The following DLG4 variants were observed in gnomAD, a reference collection of about 807,000 sequenced individuals.
DLG4 encodes discs large MAGUK scaffold protein 4, also known as disks large homolog 4.
In DLG4, 7 loss-of-function variants were observed where a neutral mutation model predicts 93.8. The observed-to-expected ratio is 0.07, with a 90% confidence interval of 0.04 to 0.14. The LOEUF (loss-of-function observed/expected upper bound fraction) is 0.14, where lower values mean the gene tolerates loss of function less well. Ranked by LOEUF, DLG4 falls within the 10% of genes least tolerant of loss-of-function variation. DLG4 has a pLI of 1.00. For synonymous variants in DLG4, 341 were observed against 387.6 expected, an observed-to-expected ratio of 0.88 and a Z score of 1.41; for missense variants, 545 against 992.9, an observed-to-expected ratio of 0.55 and a Z score of 6.06.
rs1394460871 is a variant in DLG4 at position 7,187,305 on chromosome 17, C to CGGGGGGG, written c.*3402_*3403insCCCCCCC. On this transcript the variant is annotated 3_prime_UTR_variant, in exon 20 of 20. Coordinates refer to ENST00000399506, the MANE Select transcript of DLG4 (RefSeq NM_001321075.3). The stretch of plus-strand genomic sequence containing the variant: ...CTGTAATCCTAGCACTTTGGGAGGC[C>CGGGGGGG]GAGGGGGGGGGGGGTGGATCACCCG... Among the ~76,000 whole-genome samples the CGGGGGGG allele has an allele frequency of 2.1e-4, 6 of 28,810 alleles. 1 individual carries two copies. Among genetic ancestry groups the CGGGGGGG allele is most frequent in the South Asian group, 2.0e-3 (2 of 982 alleles). The allele number at this position is 28,810 out of a possible 152,430, so 18.9% of individuals were successfully genotyped here. A position where few individuals can be genotyped will look rare whatever the true frequency, so the allele number is the denominator to read the frequency against.
upstream of DLG4, chr17:7,218,753 T>A (rs112144905): frequency 1.3e-6 from 2 of 1,591,660 alleles, no homozygotes; most frequent in Non-Finnish European, 1.7e-6. Context: ...ACGGAAAGAT[T>A]TGGGGAGAAG....
Position 7,203,726 on chromosome 17 carries a change from G to A in DLG4, c.301C>T (p.Pro101Ser). 1 of 1,613,818 alleles carries A rather than the reference G, an allele frequency of 6.2e-7. No individual in the cohort carries two copies. The highest frequency in any genetic ancestry group is 8.5e-7 in the Non-Finnish European group (1 of 1,179,856). The change falls in exon 5 of 20, where the codon CCT becomes TCT. Residue 101 changes from proline (P) to serine (S), a missense_variant. Around this residue, in one of 5 missense-constraint regions of DLG4, gnomAD observed 33 missense variants for 107.5 expected, o/e 0.31. Transcript: ENST00000399506. The surrounding 1 kb of genome is among the most constrained non-coding windows in gnomAD (Gnocchi z 7.2). ...CCATCCTGGGCCGCAGCCCCACCAG[G>A]AATGATCTTGGTGATGAAAATGGAT... is the stretch of plus-strand genomic sequence containing the variant. ...DPSIFITKII[P>S]GGAAAQDGRL...
chr17:7,216,001 A>G (rs1040853875), intron 1 of DLG4, among the ~76,000 whole-genome samples: 6 of 150,220 alleles, frequency 4.0e-5, no homozygotes, highest in African/African-American at 1.5e-4. Context: ...TCTGCATCCC[A>G]CCAGGAGCTC....
intron 8 of DLG4, among the ~76,000 whole-genome samples, chr17:7,202,295 T>C (rs915963398): frequency 7.9e-5 from 12 of 152,110 alleles, no homozygotes; most frequent in Non-Finnish European, 1.2e-4. Flanking sequence ...AATCCCTAGC[T>C]GGTCTCAAAT....
chr17:7,192,860 G>A (rs2069577304), intron 17 of DLG4, 85 bp downstream of exon 17: 4 of 1,416,914 alleles, frequency 2.8e-6, no homozygotes, highest in Non-Finnish European at 3.8e-6. Context: ...GAGACAGAGA[G>A]AGAGAGAGTT....
Position 7,189,371 on chromosome 17 carries a change from C to T in DLG4, c.*1337G>A, listed in dbSNP as rs1302580800. Among the ~76,000 whole-genome samples, 1 of 151,848 alleles carries T rather than the reference C, an allele frequency of 6.6e-6. No homozygotes were observed. The highest frequency in any genetic ancestry group is 2.4e-5 in the African/African-American group (1 of 41,324). On this transcript the variant is annotated 3_prime_UTR_variant, in exon 20 of 20. Coordinates refer to ENST00000399506, the MANE Select transcript of DLG4 (RefSeq NM_001321075.3). ...AGGCATGGTGGCAGTAATCTGTAAT[C>T]CCAGCTACTCAGGGGGCTGAGGCAG...
At chr17:7,214,412 T>G (rs1001516621) in intron 1 of DLG4, among the ~76,000 whole-genome samples, 10 of 151,406 alleles carry the variant, frequency 6.6e-5, no homozygotes, top group African/African-American at 2.2e-4. Context: ...CCCACCCACC[T>G]GCCCGGGAGG....
chr17:7,190,960 C>G (rs894035082), intron 19 of DLG4, 146 bp from the exon 20 acceptor site: 2 of 567,744 alleles, frequency 3.5e-6, no homozygotes, highest in Admixed American at 6.3e-5. Context: ...CACAGGGGCA[C>G]CTCTTTTTTT....
At chr17:7,210,973 G>T (rs1315410040) in intron 1 of DLG4, among the ~76,000 whole-genome samples, 2 of 151,860 alleles carry the variant, frequency 1.3e-5, no homozygotes, top group African/African-American at 2.4e-5. Flanking sequence ...TGAAGAAAAG[G>T]CTCCTCAGGA....
In DLG4 at chr17:7,194,843, C is replaced by T. The variant is rs1250609060; in HGVS notation, c.1302-348G>A. ...TCAGGAGATTGAGACCATGGTGAAA[C>T]CCCGTCTCTACTAAAAATACAAAAT... On this transcript the variant is annotated intron_variant, in intron 11 of 19. Transcript: ENST00000399506. This position sits in a 1 kb window ranked among gnomAD's most constrained non-coding sequence, Gnocchi z 4.4. Among the ~76,000 whole-genome samples the T allele has an allele frequency of 6.6e-6, 1 of 151,904 alleles. No homozygotes were observed. Among genetic ancestry groups the T allele is most frequent in the Non-Finnish European group, 1.5e-5 (1 of 67,990 alleles).
Position 7,190,388 on chromosome 17 carries a change from G to T in DLG4, c.*320C>A. 2.6e-6 allele frequency: 1 copy of T among 378,468 alleles called. No homozygotes were observed. The highest frequency in any genetic ancestry group is 5.0e-6 in the Non-Finnish European group (1 of 199,202). 23.4% of individuals were successfully genotyped at this position (378,468 alleles called of 1,614,324 possible). A position where few individuals can be genotyped will look rare whatever the true frequency, so the allele number is the denominator to read the frequency against. ...GGAATGTGTGTGGGAGAGGATGGGG[G>T]AGGGCAGGTGGCCCCCGGTGGGTCT... On this transcript the variant is annotated 3_prime_UTR_variant, in exon 20 of 20. Transcript: ENST00000399506.
chr17:7,206,044 G>A (rs1597479756), intron 2 of DLG4, among the ~76,000 whole-genome samples: 1 of 150,602 alleles, frequency 6.6e-6, no homozygotes, highest in East Asian at 2.0e-4. Context: ...TGGCCCTGTC[G>A]CACCCTCCAG....
Position 7,191,718 on chromosome 17 carries a change from A to G in DLG4, c.1976+175T>C, listed in dbSNP as rs2069508099. ...TGTAGTCCTGTCTAGCCAAGGCAGG[A>G]GAGGAGGGGAAAGACCCGATTCCCC... is the stretch of plus-strand genomic sequence containing the variant. On this transcript the variant is annotated intron_variant, in intron 18 of 19. Transcript: ENST00000399506. The surrounding 1 kb of genome is among the most constrained non-coding windows in gnomAD (Gnocchi z 6.6). 2 of 565,638 alleles carry G rather than the reference A, an allele frequency of 3.5e-6. No individual in the cohort carries two copies. Among genetic ancestry groups the G allele is most frequent in the Non-Finnish European group, 6.4e-6 (2 of 314,068 alleles). 35.0% of individuals were successfully genotyped at this position (565,638 alleles called of 1,614,324 possible). A position where few individuals can be genotyped will look rare whatever the true frequency, so the allele number is the denominator to read the frequency against.
Position 7,208,020 on chromosome 17 carries a change from G to C in DLG4, c.96+154C>G. 8.2e-7 allele frequency: 1 copy of C among 1,222,292 alleles called. No homozygotes were observed. Among genetic ancestry groups the C allele is most frequent in the Non-Finnish European group, 1.0e-6 (1 of 970,280 alleles). 75.7% of individuals were successfully genotyped at this position (1,222,292 alleles called of 1,614,324 possible). A position where few individuals can be genotyped will look rare whatever the true frequency, so the allele number is the denominator to read the frequency against. The stretch of plus-strand genomic sequence containing the variant: ...ACCCTACCGGCCCTTAGGGATTGCT[G>C]CAGCTCCGAGGCTCCGAGGGCCGCA... On this transcript the variant is annotated intron_variant, in intron 2 of 19. Coordinates refer to ENST00000399506, the MANE Select transcript of DLG4 (RefSeq NM_001321075.3). The surrounding 1 kb of genome is among the most constrained non-coding windows in gnomAD (Gnocchi z 5.4).
rs2069316666 is a variant in DLG4 at position 7,187,229 on chromosome 17, T to G, written c.*3479A>C. Reference sequence around the variant, plus strand: ...TTGAATTGTTGTCAGGTACGTGTACTGATTATAATTTACAAAATAATGCAT... The same window carrying G: ...TTGAATTGTTGTCAGGTACGTGTACGGATTATAATTTACAAAATAATGCAT... On this transcript the variant is annotated 3_prime_UTR_variant, in exon 20 of 20. Transcript: ENST00000399506. 6.8e-6 allele frequency among the ~76,000 whole-genome samples: 1 copy of G among 147,418 alleles called. No individual in the cohort carries two copies. The highest frequency in any genetic ancestry group is 2.5e-5 in the African/African-American group (1 of 40,552).
At chr17:7,192,846 G>A in intron 17 of DLG4, 99 bp downstream of exon 17, 1 of 1,344,662 alleles carries the variant, frequency 7.4e-7, no homozygotes. Context: ...ACCCAGCAGG[G>A]AAAGAGACAG....
chr17:7,191,009 C>T lies in DLG4; in HGVS notation c.2069-195G>A, dbSNP rs949811996. On this transcript the variant is annotated intron_variant, in intron 19 of 19. Coordinates refer to ENST00000399506, the MANE Select transcript of DLG4 (RefSeq NM_001321075.3). The surrounding 1 kb of genome is among the most constrained non-coding windows in gnomAD (Gnocchi z 6.6). ...TTTTGAGATTGAGTTTTGCTCTTAG[C>T]GCCAGGCTGGAGTGCAGTGGTGCGA... Among the ~76,000 whole-genome samples, 6 of 133,212 alleles carry T rather than the reference C, an allele frequency of 4.5e-5. No individual in the cohort carries two copies. Among genetic ancestry groups the T allele is most frequent in the East Asian group, 4.3e-4 (2 of 4,660 alleles). 87.4% of individuals were successfully genotyped at this position (133,212 alleles called of 152,430 possible).
At position 7,194,851 on chromosome 17, in the gene DLG4, C is replaced by G. The variant is rs997149423; in HGVS notation, c.1302-356G>C. Among the ~76,000 whole-genome samples, 3 of 151,882 alleles carry G rather than the reference C, an allele frequency of 2.0e-5. No individual in the cohort carries two copies. The highest frequency in any genetic ancestry group is 7.3e-5 in the African/African-American group (3 of 41,324). On this transcript the variant is annotated intron_variant, in intron 11 of 19. Coordinates refer to ENST00000399506, the MANE Select transcript of DLG4 (RefSeq NM_001321075.3). The surrounding 1 kb of genome is among the most constrained non-coding windows in gnomAD (Gnocchi z 4.4). Reference sequence around the variant, plus strand: ...TTGAGACCATGGTGAAACCCCGTCTCTACTAAAAATACAAAATATTAGCCG... The same window carrying G: ...TTGAGACCATGGTGAAACCCCGTCTGTACTAAAAATACAAAATATTAGCCG...
rs535129000 is a variant in DLG4 at position 7,210,451 on chromosome 17, G to C, written c.31-2212C>G. Reference sequence around the variant, plus strand: ...AATCCTGAACTCCAGATTTCAATCCGATGGGCACAAAAAGTAGAGAAGGAA... The same window carrying C: ...AATCCTGAACTCCAGATTTCAATCCCATGGGCACAAAAAGTAGAGAAGGAA... On this transcript the variant is annotated intron_variant, in intron 1 of 19. Transcript: ENST00000399506. Among the ~76,000 whole-genome samples the C allele has an allele frequency of 2.0e-5, 3 of 152,270 alleles. No homozygotes were observed. In the East Asian group the frequency reaches 5.8e-4, roughly 29 times the overall value.
Sources: gnomAD v4.1 joint callset for allele counts (sites outside exome capture counted in the v4.1 genomes callset) on GRCh38, gnomAD v4.1.1 for gene constraint, gnomAD v4.1.1 regional missense constraint, Gnocchi (gnomAD v3.1) non-coding constraint, MANE v1.5 for transcripts, NCBI Gene and HGNC (gene_info 2026-07-23, HGNC 2026-07-21) for gene names.